WDR17: variants seen among roughly 807,000 people sequenced by gnomAD.
WDR17 encodes the protein WD repeat domain 17.
WDR17 carries 143 observed loss-of-function variants against 161.7 expected under a neutral mutation model. The observed-to-expected ratio is 0.88, with a 90% CI of 0.77 to 1.02. The LOEUF (loss-of-function observed/expected upper bound fraction) is 1.02, where lower values mean the gene tolerates loss of function less well. WDR17 is among the 50% of genes least tolerant of loss of function. WDR17 has a pLI of 0.00. For synonymous variants in WDR17, 517 were observed against 515.6 expected, an observed-to-expected ratio of 1.00 and a Z score of -0.04; for missense variants, 1,469 against 1,520.9, an observed-to-expected ratio of 0.97 and a Z score of 0.57.
intron 21 of WDR17, among the ~76,000 whole-genome samples, 165 bp from the exon 22 acceptor site, chr4:176,162,989 A>C (rs1749259264): frequency 6.6e-6 from 1 of 152,198 alleles, no homozygotes; most frequent in Non-Finnish European, 1.5e-5. Flanking sequence ...TGAAAATTGC[A>C]ATTACGCTTA....
At chr4:176,166,039 CT>C in intron 22 of WDR17, 11 of 726,424 alleles carry the variant, frequency 1.5e-5, no homozygotes, top group South Asian at 2.0e-5. Context: ...ATAAACAGCG[CT>C]TTTTTTACAT....
Position 176,125,058 on chromosome 4 carries a change from C to G in WDR17, c.539-46C>G, listed in dbSNP as rs1449898642. 1.9e-6 allele frequency: 3 copies of G among 1,596,572 alleles called. No individual in the cohort carries two copies. In the Admixed American group the frequency reaches 5.2e-5, roughly 27 times the overall value. On this transcript the variant is annotated intron_variant, in intron 4 of 28. Transcript: ENST00000508596. ...AGTTAGCATCATCTAAATTATTGATCTTTTCTGCAAGTTTTTTGGAAATAA... is the reference window on the plus strand; with the variant it reads ...AGTTAGCATCATCTAAATTATTGATGTTTTCTGCAAGTTTTTTGGAAATAA...
chr4:176,073,961 T>G (rs1253478701), intron 1 of WDR17, among the ~76,000 whole-genome samples: 1 of 150,350 alleles, frequency 6.7e-6, no homozygotes, highest in Non-Finnish European at 1.5e-5. Context: ...TGTTTTTTTC[T>G]TGTAAATTTG....
chr4:176,176,591 A>ATG (rs1416878219), intron 26 of WDR17, among the ~76,000 whole-genome samples: 2 of 152,172 alleles, frequency 1.3e-5, no homozygotes, highest in East Asian at 3.8e-4. Context: ...TCAAACTCCT[A>ATG]TGTGTATATT....
At chr4:176,122,659 C>A (rs1054531831) in intron 4 of WDR17, among the ~76,000 whole-genome samples, 6 of 152,138 alleles carry the variant, frequency 3.9e-5, no homozygotes, top group African/African-American at 1.4e-4. Context: ...TTAACCTTAT[C>A]TTCTTGATGA....
chr4:176,166,234 A>G (rs978505077), intron 22 of WDR17: 3 of 388,490 alleles, frequency 7.7e-6, no homozygotes, highest in African/African-American at 6.3e-5. Flanking sequence ...GTATTAAGAA[A>G]TATTTATCAA....
At chr4:176,104,017 G>T (rs1424674908) in intron 1 of WDR17, among the ~76,000 whole-genome samples, 1 of 152,036 alleles carries the variant, frequency 6.6e-6, no homozygotes, top group Non-Finnish European at 1.5e-5. Context: ...TAGTAAGAAA[G>T]AAGTGATTAA....
intron 17 of WDR17, 120 bp downstream of exon 17, chr4:176,152,087 A>G (rs1385907464): frequency 1.0e-6 from 1 of 962,116 alleles, no homozygotes; most frequent in Non-Finnish European, 1.5e-6. Flanking sequence ...AGGTGGGTGG[A>G]TCACTTGAGC....
In WDR17 at chr4:176,151,963, G is replaced by T; in HGVS notation, c.2456G>T (p.Gly819Val). Residue 819 changes from glycine (G) to valine (V), a missense_variant, in exon 17 of 29, where the codon GGA (glycine) becomes GTA (valine). Coordinates refer to ENST00000508596, the MANE Select transcript of WDR17 (RefSeq NM_181265.4). Reference sequence around the variant, plus strand: ...TACTGTGAACTTATGGTTGAACTTGGAGAGGTAATGTGCTATGAAAGTAAA... The same window carrying T: ...TACTGTGAACTTATGGTTGAACTTGTAGAGGTAATGTGCTATGAAAGTAAA... ...QRYCELMVEL[G>V]EWDKALSIAP... 1 of 1,611,900 alleles carries T rather than the reference G, an allele frequency of 6.2e-7. No homozygotes were observed. The highest frequency in any genetic ancestry group is 1.1e-5 in the South Asian group (1 of 90,292).
chr4:176,175,069 C>T (rs1751246321), intron 26 of WDR17, among the ~76,000 whole-genome samples: 2 of 152,088 alleles, frequency 1.3e-5, no homozygotes, highest in Non-Finnish European at 2.9e-5. Flanking sequence ...GCTTGAGTAT[C>T]CCATGGTTAG....
At chr4:176,123,167 T>C (rs1741873144) in intron 4 of WDR17, among the ~76,000 whole-genome samples, 1 of 152,240 alleles carries the variant, frequency 6.6e-6, no homozygotes, top group Non-Finnish European at 1.5e-5. Flanking sequence ...GAATGTGCCT[T>C]AATAAAATTT....
chr4:176,067,366 G>A (rs927523566), intron 1 of WDR17, among the ~76,000 whole-genome samples: 4 of 152,266 alleles, frequency 2.6e-5, no homozygotes, highest in South Asian at 4.1e-4. Context: ...AGAGTTCCTG[G>A]GAAGTTTTAA....
At chr4:176,163,428 G>A (rs1749336267) in intron 22 of WDR17, 135 bp downstream of exon 22, 3 of 1,031,680 alleles carry the variant, frequency 2.9e-6, no homozygotes, top group Non-Finnish European at 4.1e-6. Context: ...GATTGTGGAA[G>A]GAAATAATGA....
At chr4:176,159,062 A>C (rs1183412703) in intron 18 of WDR17, among the ~76,000 whole-genome samples, 2 of 152,192 alleles carry the variant, frequency 1.3e-5, no homozygotes, top group African/African-American at 2.4e-5. Flanking sequence ...AAATATCATG[A>C]AAAATACTTT....
intron 1 of WDR17, among the ~76,000 whole-genome samples, chr4:176,100,215 C>G (rs1345366235): frequency 6.6e-6 from 1 of 152,136 alleles, no homozygotes. Flanking sequence ...TGTATGAATT[C>G]TCTTTTCCCC....
chr4:176,074,986 C>G (rs1226688797), intron 1 of WDR17, among the ~76,000 whole-genome samples: 2 of 151,574 alleles, frequency 1.3e-5, no homozygotes, highest in Non-Finnish European at 2.9e-5. Flanking sequence ...TTACCTTGAG[C>G]TGTATATCCT....
intron 22 of WDR17, chr4:176,166,114 T>C: frequency 9.1e-7 from 1 of 1,095,970 alleles, no homozygotes. Context: ...TATTTAATAT[T>C]TTCCTTTAGC....
chr4:176,079,204 T>C (rs1734443465), intron 1 of WDR17, among the ~76,000 whole-genome samples: 1 of 152,214 alleles, frequency 6.6e-6, no homozygotes, highest in Non-Finnish European at 1.5e-5. Flanking sequence ...GGCAGCATTT[T>C]ATTTTTTTAT....
chr4:176,104,699 A>T (rs1177814204), intron 1 of WDR17, among the ~76,000 whole-genome samples: 2 of 152,070 alleles, frequency 1.3e-5, no homozygotes, highest in Non-Finnish European at 2.9e-5. Context: ...TGTTAAGTTT[A>T]ATCCCCATGG....
Sources: gnomAD v4.1 joint callset for allele counts (sites outside exome capture counted in the v4.1 genomes callset) on GRCh38, gnomAD v4.1.1 for gene constraint, MANE v1.5 for transcripts, NCBI Gene and HGNC (gene_info 2026-07-23, HGNC 2026-07-21) for gene names.